Variants in KCNH7 observed in about 807,000 individuals in gnomAD.
The protein encoded by KCNH7 is potassium voltage-gated channel subfamily H member 7, also known as voltage-gated inwardly rectifying potassium channel KCNH7.
In KCNH7, 49 loss-of-function variants were observed where a neutral mutation model predicts 120.8. The ratio of observed to expected loss-of-function variants is 0.41; its 90% CI spans 0.32 to 0.51. The LOEUF is 0.51. Ranked by LOEUF, KCNH7 falls within the 20% of genes least tolerant of loss-of-function variation. The pLI is 0.38. For synonymous variants in KCNH7, 547 were observed against 516.1 expected (o/e 1.06, Z -0.81); for missense variants, 1,097 against 1,446.6 (o/e 0.76, Z 3.92).
chr2:162,755,687 C>A (rs1040290670), intron 2 of KCNH7, among the ~76,000 whole-genome samples: 1 of 152,038 alleles, frequency 6.6e-6, no homozygotes, highest in African/African-American at 2.4e-5. Flanking sequence ...AGTATGATAA[C>A]AATTTCAATC....
chr2:162,437,400 A>G (rs1221016148), intron 7 of KCNH7, among the ~76,000 whole-genome samples: 1 of 151,974 alleles, frequency 6.6e-6, no homozygotes, highest in Non-Finnish European at 1.5e-5. Flanking sequence ...TTTCTTCTTT[A>G]TAGGTTTAAA....
chr2:162,508,789 C>T (rs566066037), intron 5 of KCNH7, among the ~76,000 whole-genome samples: 62 of 151,508 alleles, frequency 4.1e-4, no homozygotes, highest in African/African-American at 1.4e-3. Context: ...AAGGCAGCCT[C>T]ACTGAGAGTG....
chr2:162,694,214 T>C (rs1686210125), intron 2 of KCNH7, among the ~76,000 whole-genome samples: 2 of 152,130 alleles, frequency 1.3e-5, no homozygotes, highest in Admixed American at 1.3e-4. Flanking sequence ...CTTCAGAACA[T>C]GGGAAATAAT....
chr2:162,744,819 C>T (rs1420981153), intron 2 of KCNH7, among the ~76,000 whole-genome samples: 2 of 152,000 alleles, frequency 1.3e-5, no homozygotes, highest in Admixed American at 6.6e-5. Context: ...GTGATCCGCC[C>T]GCCTCGGCCT....
chr2:162,451,350 T>A (rs942453629), intron 6 of KCNH7, among the ~76,000 whole-genome samples: 2 of 152,086 alleles, frequency 1.3e-5, no homozygotes, highest in African/African-American at 2.4e-5. Context: ...ATCCAAAATA[T>A]TTAAAAACTG....
intron 2 of KCNH7, among the ~76,000 whole-genome samples, chr2:162,757,043 C>A (rs1688810520): frequency 6.6e-6 from 1 of 152,028 alleles, no homozygotes; most frequent in Non-Finnish European, 1.5e-5. Context: ...TACTTTCCAC[C>A]ATTTGGGAGG....
At chr2:162,512,583 C>CA in intron 5 of KCNH7, 71 bp downstream of exon 5, 1 of 1,363,078 alleles carries the variant, frequency 7.3e-7, no homozygotes, top group African/African-American at 1.4e-5. Flanking sequence ...GGGCATACAG[C>CA]AGGCAAGTTA....
At chr2:162,550,393 A>C (rs573715304) in intron 2 of KCNH7, among the ~76,000 whole-genome samples, 1 of 152,266 alleles carries the variant, frequency 6.6e-6, no homozygotes, top group East Asian at 1.9e-4. Context: ...GGTTTCAAGC[A>C]GTGGGGATTT....
chr2:162,772,536 A>C (rs1683094574), intron 2 of KCNH7, among the ~76,000 whole-genome samples: 1 of 152,122 alleles, frequency 6.6e-6, no homozygotes, highest in Admixed American at 6.5e-5. Flanking sequence ...TATTTATTGA[A>C]TCTCTTCCTT....
chr2:162,647,617 T>C (rs578152570), intron 2 of KCNH7, among the ~76,000 whole-genome samples: 1 of 152,222 alleles, frequency 6.6e-6, no homozygotes, highest in African/African-American at 2.4e-5. Flanking sequence ...GATCTCATGG[T>C]TTTATAAATG....
intron 2 of KCNH7, among the ~76,000 whole-genome samples, chr2:162,802,314 G>C (rs139691766): frequency 1.6e-3 from 240 of 151,862 alleles, no homozygotes; most frequent in Admixed American, 2.4e-3. Context: ...GTGGTTAGTA[G>C]TACTCTAGCT....
chr2:162,568,628 C>A (rs994974923), intron 2 of KCNH7, among the ~76,000 whole-genome samples: 26 of 151,802 alleles, frequency 1.7e-4, no homozygotes, highest in African/African-American at 6.3e-4. Flanking sequence ...GCATGACCAG[C>A]AGCCAATGGT....
chr2:162,653,257 G>T (rs1684630588), intron 2 of KCNH7, among the ~76,000 whole-genome samples: 2 of 152,138 alleles, frequency 1.3e-5, no homozygotes, highest in Admixed American at 1.3e-4. Flanking sequence ...GATAAATTAG[G>T]CAAGAGAAAG....
intron 2 of KCNH7, among the ~76,000 whole-genome samples, chr2:162,752,351 A>G (rs376346149): frequency 1.8e-4 from 27 of 152,196 alleles, no homozygotes; most frequent in African/African-American, 5.8e-4. Context: ...AGATATCCCA[A>G]ACTGTTATTG....
intron 2 of KCNH7, among the ~76,000 whole-genome samples, chr2:162,685,514 C>G (rs1387654518): frequency 6.6e-6 from 1 of 151,964 alleles, no homozygotes; most frequent in Non-Finnish European, 1.5e-5. Context: ...GTTACACATG[C>G]TCGGAAGGAA....
rs1020076929 is a variant in KCNH7, at chr2:162,722,033, G to A, written c.307+114504C>T. ...TAATCATGACATACTTCTTTATGAT[G>A]ACTCTAGGGGTCAGCATTCAACATT... On this transcript the variant is annotated intron_variant, in intron 2 of 15. Transcript: ENST00000332142. Among the ~76,000 whole-genome samples, 5 of 151,930 alleles carry A rather than the reference G, an allele frequency of 3.3e-5. No homozygotes were observed. The East Asian group carries it at 9.6e-4, about 29-fold the overall frequency.
chr2:162,377,324 T>C (rs1416661639), intron 14 of KCNH7, among the ~76,000 whole-genome samples: 2 of 150,300 alleles, frequency 1.3e-5, no homozygotes, highest in East Asian at 1.9e-4. Context: ...AAAGGAGATA[T>C]AGTATTGGTG....
chr2:162,489,245 T>C (rs1393218447), intron 6 of KCNH7, among the ~76,000 whole-genome samples: 3 of 152,218 alleles, frequency 2.0e-5, no homozygotes, highest in African/African-American at 4.8e-5. Context: ...AAAATGTTTT[T>C]ATTTTTTCCT....
chr2:162,579,928 T>C (rs1476343046), intron 2 of KCNH7, among the ~76,000 whole-genome samples: 1 of 152,058 alleles, frequency 6.6e-6, no homozygotes, highest in Non-Finnish European at 1.5e-5. Flanking sequence ...TGACCTTTAA[T>C]GGAGAAGTAT....
Sources: allele counts gnomAD v4.1 joint callset (sites outside exome capture counted in the v4.1 genomes callset), GRCh38; gene constraint gnomAD v4.1.1; transcripts MANE v1.5; gene names NCBI Gene and HGNC (gene_info 2026-07-23, HGNC 2026-07-21).